Variants in UHRF2 observed in about 807,000 individuals in gnomAD.
UHRF2 encodes the protein ubiquitin like with PHD and ring finger domains 2.
UHRF2 carries 23 observed loss-of-function variants against 96.8 expected under a neutral mutation model. That is an observed-to-expected ratio of 0.24 (90% CI 0.17 to 0.34). The LOEUF (loss-of-function observed/expected upper bound fraction) is 0.34, where lower values mean the gene tolerates loss of function less well. UHRF2 is among the 10% of genes least tolerant of loss of function. The pLI, the probability that UHRF2 is intolerant of heterozygous loss-of-function variation, is 1.00. For missense variants in UHRF2, 685 were observed against 981.5 expected (o/e 0.70, Z 4.04); for synonymous variants, 385 against 332.6 (o/e 1.16, Z -1.72).
In UHRF2 at chr9:6,497,943, T is replaced by A. The variant is rs1825067575; in HGVS notation, c.1768-75T>A. The A allele has an allele frequency of 1.9e-6, 3 of 1,546,708 alleles. No individual in the cohort carries two copies. The African/African-American group carries it at 4.1e-5, about 21-fold the overall frequency. ...AGTTGCATTTAGTTCTGGCAAAGAT[T>A]ATTTTGATACCACTAATGTGATGAA... is the stretch of plus-strand genomic sequence containing the variant. On this transcript the variant is annotated intron_variant, in intron 11 of 15. Coordinates refer to ENST00000276893, the MANE Select transcript of UHRF2 (RefSeq NM_152896.3).
intron 2 of UHRF2, among the ~76,000 whole-genome samples, chr9:6,431,237 A>C (rs995002367): frequency 6.6e-6 from 1 of 152,078 alleles, no homozygotes; most frequent in Non-Finnish European, 1.5e-5. Flanking sequence ...TTCTGTCCCC[A>C]CCCAGTTTAT....
chr9:6,437,853 A>G (rs960828746), intron 3 of UHRF2, among the ~76,000 whole-genome samples: 9 of 151,956 alleles, frequency 5.9e-5, no homozygotes, highest in Non-Finnish European at 1.2e-4. Flanking sequence ...CCTGATCTCA[A>G]ACACCCACCT....
chr9:6,494,027 A>G (rs973375305), intron 10 of UHRF2, 95 bp downstream of exon 10: 3 of 1,057,176 alleles, frequency 2.8e-6, no homozygotes, highest in Admixed American at 2.6e-5. Context: ...GAGAATTTCA[A>G]ACTGGGAGTT....
chr9:6,441,317 T>C (rs987256589), intron 3 of UHRF2, among the ~76,000 whole-genome samples: 4 of 151,548 alleles, frequency 2.6e-5, no homozygotes, highest in Non-Finnish European at 5.9e-5. Flanking sequence ...GAGGTTGCAG[T>C]GAGTGAAGAT....
intron 14 of UHRF2, chr9:6,504,371 A>G (rs1424505556): frequency 1.8e-5 from 6 of 342,132 alleles, no homozygotes; most frequent in Admixed American, 9.0e-5. Context: ...TTATTGCTAA[A>G]TAATAGATGG....
intron 4 of UHRF2, among the ~76,000 whole-genome samples, chr9:6,473,865 G>T (rs1166403540): frequency 6.6e-6 from 1 of 152,098 alleles, no homozygotes; most frequent in Non-Finnish European, 1.5e-5. Context: ...CAAGAAATGC[G>T]AATGACAGAA....
chr9:6,457,658 C>G (rs910428772), intron 3 of UHRF2, among the ~76,000 whole-genome samples: 1 of 152,020 alleles, frequency 6.6e-6, no homozygotes, highest in African/African-American at 2.4e-5. Flanking sequence ...ATAAATAGCT[C>G]TTATTATTTT....
chr9:6,452,950 G>A (rs899226467), intron 3 of UHRF2, among the ~76,000 whole-genome samples: 3 of 152,114 alleles, frequency 2.0e-5, no homozygotes, highest in African/African-American at 4.8e-5. Context: ...ATAGGTTCCC[G>A]ACTTTAAGAG....
chr9:6,479,226 T>A (rs770451310), intron 6 of UHRF2, among the ~76,000 whole-genome samples: 2 of 152,316 alleles, frequency 1.3e-5, no homozygotes, highest in Non-Finnish European at 2.9e-5. Context: ...CTATTCATAC[T>A]TCAGCACTCC....
At position 6,459,063 on chromosome 9, in the gene UHRF2, G is replaced by T. The variant is rs563106881; in HGVS notation, c.645-1510G>T. On this transcript the variant is annotated intron_variant, in intron 3 of 15. Coordinates refer to ENST00000276893, the MANE Select transcript of UHRF2 (RefSeq NM_152896.3). ...AGGGGAACATAACACAGAGGGGCCT[G>T]TCGGAGGGTAGGGGGCTAGGGGAAG... Among the ~76,000 whole-genome samples, 13 of 152,268 alleles carry T rather than the reference G, an allele frequency of 8.5e-5. No homozygotes were observed. In the South Asian group the frequency reaches 2.7e-3, roughly 32 times the overall value.
rs1357882055 is a variant in UHRF2, at chr9:6,460,803, T to C, written c.863+12T>C. 8.7e-6 allele frequency: 14 copies of C among 1,603,456 alleles called. No homozygotes were observed. Among genetic ancestry groups the C allele is most frequent in the Non-Finnish European group, 1.1e-5 (13 of 1,174,072 alleles). On this transcript the variant is annotated intron_variant, in intron 4 of 15. Transcript: ENST00000276893. ...AAAATTTTCCTGGGGTAAGATTGTCTTCACTGGTGCCATTTAATTAACTGA... is the reference window on the plus strand; with the variant it reads ...AAAATTTTCCTGGGGTAAGATTGTCCTCACTGGTGCCATTTAATTAACTGA...
intron 4 of UHRF2, chr9:6,468,514 GT>G (rs1223121530): frequency 4.4e-6 from 2 of 455,992 alleles, no homozygotes; most frequent in African/African-American, 4.0e-5. Context: ...CTTTGTAGTT[GT>G]GTTTTGCCCC....
chr9:6,428,197 C>T (rs1820364961), intron 2 of UHRF2, among the ~76,000 whole-genome samples: 1 of 152,060 alleles, frequency 6.6e-6, no homozygotes, highest in African/African-American at 2.4e-5. Flanking sequence ...TTCTTTTGTC[C>T]ACAGTACAGT....
chr9:6,457,313 G>A (rs1822243286), intron 3 of UHRF2, among the ~76,000 whole-genome samples: 1 of 152,198 alleles, frequency 6.6e-6, no homozygotes, highest in East Asian at 1.9e-4. Flanking sequence ...CTGTTTGTCT[G>A]TTATTGGTGT....
chr9:6,493,192 G>T (rs1016415033), intron 9 of UHRF2, among the ~76,000 whole-genome samples: 5 of 152,060 alleles, frequency 3.3e-5, no homozygotes, highest in Admixed American at 3.3e-4. Context: ...CAGCTGCTTG[G>T]GAGGCTGAGG....
At chr9:6,497,500 G>A in intron 11 of UHRF2, 140 bp downstream of exon 11, 3 of 921,602 alleles carry the variant, frequency 3.3e-6, no homozygotes, top group East Asian at 2.6e-5. Flanking sequence ...TTGAACAGAT[G>A]CATAAAGCAA....
chr9:6,437,147 A>C (rs985874048), intron 3 of UHRF2, among the ~76,000 whole-genome samples: 7 of 152,236 alleles, frequency 4.6e-5, no homozygotes, highest in Non-Finnish European at 8.8e-5. Context: ...GATTTCAGTA[A>C]GTCATCAAAC....
chr9:6,471,277 A>G (rs1182903730), intron 4 of UHRF2, among the ~76,000 whole-genome samples: 1 of 152,138 alleles, frequency 6.6e-6, no homozygotes, highest in Non-Finnish European at 1.5e-5. Context: ...GTGGCTGTGC[A>G]GGAGAAATAT....
intron 3 of UHRF2, among the ~76,000 whole-genome samples, chr9:6,448,721 A>C (rs1821669263): frequency 6.6e-6 from 1 of 152,232 alleles, no homozygotes; most frequent in Admixed American, 6.6e-5. Context: ...GAGGTAAATA[A>C]GATAAGAATG....
Sources: allele counts gnomAD v4.1 joint callset (sites outside exome capture counted in the v4.1 genomes callset), GRCh38; gene constraint gnomAD v4.1.1; transcripts MANE v1.5; gene names NCBI Gene and HGNC (gene_info 2026-07-23, HGNC 2026-07-21).